The following DNAH11 variants were observed in gnomAD, a reference collection of about 807,000 sequenced individuals.
DNAH11 encodes the protein axonemal beta dynein heavy chain 11.
In DNAH11, 442 loss-of-function variants were observed where a neutral mutation model predicts 526.0. The observed-to-expected ratio is 0.84, with a 90% CI of 0.78 to 0.91. The LOEUF is 0.91. DNAH11 is among the 40% of genes least tolerant of loss of function. The pLI, the probability that DNAH11 is intolerant of heterozygous loss-of-function variation, is 0.00. For missense variants in DNAH11, 6,989 were observed against 5,448.7 expected, an observed-to-expected ratio of 1.28 and a Z score of -8.90; for synonymous variants, 2,461 against 1,935.9, an observed-to-expected ratio of 1.27 and a Z score of -7.12.
At position 21,588,529 on chromosome 7, in the gene DNAH11, A is replaced by C. The variant is rs750617653; in HGVS notation, c.1866A>C (p.Val622=). ...ACTTGCAGATTGAATGTGGTCATGTAGTTCTTAACAAGAACATGCCATTTA... is the reference window on the plus strand; with the variant it reads ...ACTTGCAGATTGAATGTGGTCATGTCGTTCTTAACAAGAACATGCCATTTA... ...EHMKQIECGH[V]VLNKNMPFTS... The change falls in exon 11 of 82, where the codon GTA becomes GTC. Residue 622 remains valine (V), a synonymous_variant. Transcript: ENST00000409508. 3.7e-5 allele frequency: 60 copies of C among 1,613,646 alleles called. No individual in the cohort carries two copies. In the African/African-American group the frequency reaches 7.5e-4, roughly 20 times the overall value.
At chr7:21,787,929 T>C (rs1036630081) in intron 60 of DNAH11, among the ~76,000 whole-genome samples, 2 of 152,224 alleles carry the variant, frequency 1.3e-5, no homozygotes, top group African/African-American at 2.4e-5. Context: ...TCAAATGAAA[T>C]GTAGCGCCTG....
chr7:21,808,343 A>C (rs79101238), intron 63 of DNAH11, among the ~76,000 whole-genome samples: 1 of 152,176 alleles, frequency 6.6e-6, no homozygotes, highest in Non-Finnish European at 1.5e-5. Context: ...GTCAGAGTAA[A>C]TAAGATATCT....
At chr7:21,883,982 G>T (rs1298419668) in intron 75 of DNAH11, among the ~76,000 whole-genome samples, 1 of 152,176 alleles carries the variant, frequency 6.6e-6, no homozygotes, top group Non-Finnish European at 1.5e-5. Context: ...ATTCAAGGTT[G>T]CAATGAGCTG....
rs369830189 is a variant in DNAH11 at position 21,612,136 on chromosome 7, A to G, written c.3853-2978A>G. On this transcript the variant is annotated intron_variant, in intron 20 of 81. Coordinates refer to ENST00000409508, the MANE Select transcript of DNAH11 (RefSeq NM_001277115.2). Reference sequence around the variant, plus strand: ...AACTTAAAATGGATAAATTTTTAGAAAAATATAATTTACCAAAACTGTCTC... The same window carrying G: ...AACTTAAAATGGATAAATTTTTAGAGAAATATAATTTACCAAAACTGTCTC... Among the ~76,000 whole-genome samples the G allele has an allele frequency of 3.3e-5, 5 of 152,358 alleles. No homozygotes were observed. The East Asian group carries it at 7.7e-4, about 23-fold the overall frequency.
At position 21,899,453 on chromosome 7, in the gene DNAH11, G is replaced by C; in HGVS notation, c.13162+5G>C. 6.2e-7 allele frequency: 1 copy of C among 1,609,772 alleles called. No homozygotes were observed. The highest frequency in any genetic ancestry group is 8.5e-7 in the Non-Finnish European group (1 of 1,176,496). On this transcript the variant is annotated splice_donor_5th_base_variant and intron_variant, in intron 80 of 81. Coordinates refer to ENST00000409508, the MANE Select transcript of DNAH11 (RefSeq NM_001277115.2). ...ACCCTCAGTCCTTCTTAACTGGTAAGGGCTGACGCAGTGCAGCCCCTGATG... is the reference window on the plus strand; with the variant it reads ...ACCCTCAGTCCTTCTTAACTGGTAACGGCTGACGCAGTGCAGCCCCTGATG...
At chr7:21,818,127 C>A in intron 64 of DNAH11, 90 bp from the exon 65 acceptor site, 1 of 1,308,840 alleles carries the variant, frequency 7.6e-7, no homozygotes, top group Non-Finnish European at 1.0e-6. Context: ...TTTAGAATAT[C>A]TACATTAAAT....
chr7:21,589,210 T>A lies in DNAH11; in HGVS notation c.1976T>A (p.Phe659Tyr). 2 of 1,592,726 alleles carry A rather than the reference T, an allele frequency of 1.3e-6. No homozygotes were observed. The highest frequency in any genetic ancestry group is 1.7e-6 in the Non-Finnish European group (2 of 1,174,730). Residue 659 changes from phenylalanine to tyrosine, a missense_variant and splice_region_variant, in exon 12 of 82, where the codon TTT becomes TAT. Phe to Tyr is a conservative substitution (Grantham distance 22, BLOSUM62 3). Coordinates refer to ENST00000409508, the MANE Select transcript of DNAH11 (RefSeq NM_001277115.2). ...WSNFASLRYL[F>Y]LGNPDHALVY... ...GTAGAAAAACCTTATTCCTACAGAT[T>A]TTTGGGCAATCCTGATCACGCTTTA...
At chr7:21,854,561 T>A in intron 68 of DNAH11, 106 bp downstream of exon 68, 1 of 1,213,984 alleles carries the variant, frequency 8.2e-7, no homozygotes, top group South Asian at 1.7e-5. Context: ...CTATTATTAC[T>A]ATTATTGAGA....
Position 21,671,561 on chromosome 7 carries a change from G to A in DNAH11, c.5329-9985G>A, listed in dbSNP as rs1360734098. 1.3e-5 allele frequency among the ~76,000 whole-genome samples: 2 copies of A among 151,708 alleles called. 1 individual carries two copies. Among genetic ancestry groups the A allele is most frequent in the East Asian group, 3.9e-4 (2 of 5,186 alleles). ...TTTTTCTCTTTTTTTTCTTAATTGG[G>A]TTTTCTAGGTGTTTATCAATTTTAT... On this transcript the variant is annotated intron_variant, in intron 30 of 81. Coordinates refer to ENST00000409508, the MANE Select transcript of DNAH11 (RefSeq NM_001277115.2).
intron 61 of DNAH11, among the ~76,000 whole-genome samples, chr7:21,793,545 G>T (rs1788566316): frequency 6.6e-6 from 1 of 151,748 alleles, no homozygotes; most frequent in Non-Finnish European, 1.5e-5. Flanking sequence ...GAAGCTGGGA[G>T]GTGAAGGCTG....
intron 7 of DNAH11, among the ~76,000 whole-genome samples, chr7:21,571,239 T>C (rs1435167647): frequency 6.6e-6 from 1 of 152,172 alleles, no homozygotes; most frequent in African/African-American, 2.4e-5. Context: ...GTTATGTGTC[T>C]AGTTATGGTA....
In DNAH11 at chr7:21,637,668, A is replaced by T; in HGVS notation, c.4783A>T (p.Asn1595Tyr). ...ENVLEATCRP[N>Y]LYEKLKDLQS... The stretch of plus-strand genomic sequence containing the variant: ...TGTGTTAGAAGCAACGTGCAGACCT[A>T]ATCTCTATGAAAAACTTAAAGATTT... Residue 1595 changes from asparagine (N) to tyrosine (Y), a missense_variant, in exon 27 of 82, where the codon AAT (asparagine) becomes TAT (tyrosine). Asn to Tyr is a moderately radical substitution (Grantham distance 143). Transcript: ENST00000409508. The T allele has an allele frequency of 6.3e-7, 1 of 1,578,110 alleles. No homozygotes were observed. The highest frequency in any genetic ancestry group is 8.6e-7 in the Non-Finnish European group (1 of 1,161,830).
chr7:21,705,605 T>C, intron 39 of DNAH11, 68 bp downstream of exon 39: 1 of 1,478,054 alleles, frequency 6.8e-7, no homozygotes, highest in East Asian at 2.3e-5. Flanking sequence ...GTTCGGCCTA[T>C]TTTCAATGCT....
At chr7:21,884,927 T>G (rs1166374351) in intron 76 of DNAH11, among the ~76,000 whole-genome samples, 1 of 152,136 alleles carries the variant, frequency 6.6e-6, no homozygotes, top group South Asian at 2.1e-4. Flanking sequence ...TCAATTATAA[T>G]ATGTGCTCAA....
chr7:21,866,911 G>T (rs1409612488), intron 71 of DNAH11, among the ~76,000 whole-genome samples: 3 of 152,208 alleles, frequency 2.0e-5, no homozygotes, highest in African/African-American at 7.2e-5. Context: ...ACAGGGGACT[G>T]ATGGAAATAT....
At position 21,852,638 on chromosome 7, in the gene DNAH11, A is replaced by C. The variant is rs749980100; in HGVS notation, c.11061+7A>C. ...GGCAGAGATAGAGCACAAGGTAGGAAGGGCAGAGGGTGCCTGGCAGATTCT... is the reference window on the plus strand; with the variant it reads ...GGCAGAGATAGAGCACAAGGTAGGACGGGCAGAGGGTGCCTGGCAGATTCT... On this transcript the variant is annotated splice_region_variant and intron_variant, in intron 67 of 81. Transcript: ENST00000409508. 6.4e-7 allele frequency: 1 copy of C among 1,570,330 alleles called. No individual in the cohort carries two copies. Among genetic ancestry groups the C allele is most frequent in the African/African-American group, 1.4e-5 (1 of 73,064 alleles).
intron 65 of DNAH11, among the ~76,000 whole-genome samples, chr7:21,826,553 C>A (rs1159944511): frequency 6.6e-6 from 1 of 151,800 alleles, no homozygotes. Flanking sequence ...ATGGATCTTC[C>A]TGTTTACCTC....
chr7:21,738,291 C>T (rs539195758), intron 46 of DNAH11, among the ~76,000 whole-genome samples: 28 of 152,296 alleles, frequency 1.8e-4, no homozygotes, highest in Non-Finnish European at 1.5e-4. Context: ...GGAGACTTTC[C>T]TGAGCTGTTC....
In DNAH11 at chr7:21,591,479, C is replaced by G; in HGVS notation, c.2569C>G (p.Arg857Gly). The change falls in exon 14 of 82, where the codon CGA (arginine) becomes GGA (glycine). Residue 857 changes from arginine to glycine, a missense_variant. Arg to Gly is a moderately radical substitution (Grantham distance 125, BLOSUM62 -2). Transcript: ENST00000409508. ...GCTACCTCCCAGGAGAGAGCACAGA[C>G]GAGAGGCAGCCTTCACCTTGGAGGA... is the stretch of plus-strand genomic sequence containing the variant. ...CVLPPRREHR[R>G]EAAFTLEDKG... 1.2e-6 allele frequency: 2 copies of G among 1,613,188 alleles called. No individual in the cohort carries two copies. The highest frequency in any genetic ancestry group is 1.7e-6 in the Non-Finnish European group (2 of 1,179,370).
Sources: allele counts gnomAD v4.1 joint callset (sites outside exome capture counted in the v4.1 genomes callset), GRCh38; gene constraint gnomAD v4.1.1; transcripts MANE v1.5; gene names NCBI Gene and HGNC (gene_info 2026-07-23, HGNC 2026-07-21).